Variants in RAD51B observed in about 807,000 individuals in gnomAD.
The protein encoded by RAD51B is DNA repair protein RAD51 homolog 2.
A neutral mutation model predicts 42.2 loss-of-function variants in RAD51B; 38 were observed. The ratio of observed to expected loss-of-function variants is 0.90; its 90% confidence interval spans 0.70 to 1.18. The LOEUF is 1.18. Ranked by LOEUF, RAD51B falls within the 50% of genes most tolerant of loss-of-function variation. RAD51B has a pLI of 0.00. For synonymous variants in RAD51B, 154 were observed against 145.2 expected (o/e 1.06, Z -0.43); for missense variants, 373 against 400.7 (o/e 0.93, Z 0.59).
intron 7 of RAD51B, among the ~76,000 whole-genome samples, chr14:67,899,284 C>G (rs530764906): frequency 6.6e-6 from 1 of 151,756 alleles, no homozygotes; most frequent in South Asian, 2.1e-4. Context: ...CTCCTGACCT[C>G]GTGATCTGCC....
chr14:67,941,414 G>A (rs1267890557), intron 7 of RAD51B, among the ~76,000 whole-genome samples: 2 of 152,112 alleles, frequency 1.3e-5, no homozygotes, highest in African/African-American at 4.8e-5. Context: ...TTGCAGATTT[G>A]GCATAGGGGG....
chr14:68,350,291 G>A (rs550373314), intron 8 of RAD51B, among the ~76,000 whole-genome samples: 1 of 152,306 alleles, frequency 6.6e-6, no homozygotes, highest in African/African-American at 2.4e-5. Context: ...GCATTCTGAT[G>A]TTTTCAGAAT....
intron 7 of RAD51B, among the ~76,000 whole-genome samples, chr14:68,235,433 G>A (rs112413844): frequency 0.029 from 4,458 of 151,702 alleles, 222 homozygotes; most frequent in African/African-American, 0.1. Flanking sequence ...GGCCGGGCGC[G>A]GTGGCTCACG....
chr14:67,835,479 TTA>T (rs2041205753), intron 4 of RAD51B, among the ~76,000 whole-genome samples: 1 of 151,950 alleles, frequency 6.6e-6, no homozygotes, highest in Admixed American at 6.6e-5. Flanking sequence ...TATATATGTG[TTA>T]TATATATAAT....
chr14:68,258,748 A>C (rs926384231), intron 7 of RAD51B, among the ~76,000 whole-genome samples: 37 of 152,134 alleles, frequency 2.4e-4, no homozygotes, highest in Non-Finnish European at 4.7e-4. Context: ...CATCCCCATG[A>C]GATAGTTTAC....
chr14:67,919,392 T>C (rs2044251936), intron 7 of RAD51B, among the ~76,000 whole-genome samples: 1 of 152,158 alleles, frequency 6.6e-6, no homozygotes, highest in African/African-American at 2.4e-5. Flanking sequence ...CTTGCTGTCC[T>C]CCCTCCTCCC....
rs112490989 is a variant in RAD51B at position 68,345,576 on chromosome 14, A to G, written c.853+53596A>G. ...TATAAGCTTCCTGAGGCCTTACCAG[A>G]AGCTGAGCAGATGCCAGCACCATGA... On this transcript the variant is annotated intron_variant, in intron 8 of 10. Coordinates refer to ENST00000471583, the MANE Select transcript of RAD51B (RefSeq NM_133510.4). 5.4e-3 allele frequency among the ~76,000 whole-genome samples: 824 copies of G among 152,234 alleles called. 6 individuals are homozygous for G. Among genetic ancestry groups the G allele is most frequent in the Middle Eastern group, 0.01 (3 of 292 alleles).
chr14:68,270,799 G>A (rs1489480204), intron 7 of RAD51B, among the ~76,000 whole-genome samples: 1 of 152,062 alleles, frequency 6.6e-6, no homozygotes, highest in Non-Finnish European at 1.5e-5. Context: ...TATGGCAGAT[G>A]AGCTATGTGT....
intron 10 of RAD51B, among the ~76,000 whole-genome samples, chr14:68,509,456 G>A (rs553546178): frequency 2.6e-5 from 4 of 152,310 alleles, no homozygotes; most frequent in African/African-American, 9.6e-5. Context: ...TGGGACTGTC[G>A]GGTTGTCAGG....
At chr14:67,995,755 C>CT (rs1288282625) in intron 7 of RAD51B, among the ~76,000 whole-genome samples, 1 of 151,748 alleles carries the variant, frequency 6.6e-6, no homozygotes, top group Non-Finnish European at 1.5e-5. Flanking sequence ...GTAGCTGGGA[C>CT]TACAGGCGCC....
intron 7 of RAD51B, among the ~76,000 whole-genome samples, chr14:68,039,225 C>T (rs903254018): frequency 6.6e-5 from 10 of 151,938 alleles, no homozygotes; most frequent in African/African-American, 1.9e-4. Flanking sequence ...GTCAGGAGAT[C>T]GAGAACCATC....
chr14:68,678,131 A>C (rs911272827), intron 11 of RAD51B, among the ~76,000 whole-genome samples: 3 of 152,218 alleles, frequency 2.0e-5, no homozygotes, highest in Non-Finnish European at 2.9e-5. Flanking sequence ...CCAAGGTTAC[A>C]TAGCTAATAA....
chr14:68,608,196 ACAC>A (rs1309235129), intron 10 of RAD51B, among the ~76,000 whole-genome samples: 1 of 152,148 alleles, frequency 6.6e-6, no homozygotes, highest in Non-Finnish European at 1.5e-5. Flanking sequence ...CCCTCTCCAA[ACAC>A]CACATTTCCA....
At chr14:68,632,424 G>A (rs998292868) in intron 10 of RAD51B, among the ~76,000 whole-genome samples, 6 of 152,210 alleles carry the variant, frequency 3.9e-5, no homozygotes, top group Non-Finnish European at 8.8e-5. Context: ...GTGATGTGAT[G>A]TCTGAACAGC....
intron 8 of RAD51B, among the ~76,000 whole-genome samples, chr14:68,352,884 C>T (rs372719613): frequency 2.6e-5 from 4 of 152,144 alleles, no homozygotes; most frequent in Non-Finnish European, 5.9e-5. Context: ...CTTTTACTTG[C>T]AGCAGGTGGG....
chr14:68,456,740 A>G (rs2085696530), intron 9 of RAD51B, among the ~76,000 whole-genome samples: 1 of 152,186 alleles, frequency 6.6e-6, no homozygotes, highest in African/African-American at 2.4e-5. Context: ...TAGACCTCAA[A>G]GGCATCTATA....
chr14:68,348,767 G>T (rs1375989851), intron 8 of RAD51B, among the ~76,000 whole-genome samples: 1 of 152,124 alleles, frequency 6.6e-6, no homozygotes, highest in Non-Finnish European at 1.5e-5. Context: ...GGCATGGTGG[G>T]GGGCGCCTGT....
intron 9 of RAD51B, among the ~76,000 whole-genome samples, chr14:68,451,531 G>A (rs967893530): frequency 1.3e-5 from 2 of 152,192 alleles, no homozygotes; most frequent in Non-Finnish European, 2.9e-5. Flanking sequence ...GTGCTTAAAG[G>A]AAAAGACAGG....
At chr14:68,180,512 A>G (rs1729385134) in intron 7 of RAD51B, among the ~76,000 whole-genome samples, 2 of 152,146 alleles carry the variant, frequency 1.3e-5, no homozygotes, top group Non-Finnish European at 1.5e-5. Context: ...GTGCTTTACT[A>G]CATTTCAGGC....
Sources: allele counts gnomAD v4.1 joint callset (sites outside exome capture counted in the v4.1 genomes callset), GRCh38; gene constraint gnomAD v4.1.1; transcripts MANE v1.5; gene names NCBI Gene and HGNC (gene_info 2026-07-23, HGNC 2026-07-21).